CORO1A: variants seen among roughly 807,000 people sequenced by gnomAD.
CORO1A encodes coronin-1A.
Under a neutral mutation model 44.1 loss-of-function variants are expected in CORO1A, and 17 were observed. The ratio of observed to expected loss-of-function variants is 0.39; its 90% CI spans 0.26 to 0.58. The LOEUF is 0.58. CORO1A is among the 20% of genes least tolerant of loss of function. CORO1A has a pLI of 0.62. For synonymous variants in CORO1A, 271 were observed against 244.2 expected, an observed-to-expected ratio of 1.11 and a Z score of -1.02; for missense variants, 415 against 606.5, an observed-to-expected ratio of 0.68 and a Z score of 3.32.
At chr16:30,188,714 A>T (rs2073381063) in intron 10 of CORO1A, 138 bp downstream of exon 10, 1 of 689,016 alleles carries the variant, frequency 1.5e-6, no homozygotes, top group Admixed American at 2.5e-5. Flanking sequence ...CACAGGTTTC[A>T]GATTGATAGG....
intron 6 of CORO1A, 75 bp downstream of exon 6, chr16:30,187,576 C>A (rs780215021): frequency 6.5e-7 from 1 of 1,544,848 alleles, no homozygotes; most frequent in South Asian, 1.1e-5. Flanking sequence ...TGCTCTGCCA[C>A]TCACCTGGCA....
chr16:30,186,247 T>A, intron 2 of CORO1A: 2 of 371,912 alleles, frequency 5.4e-6, no homozygotes, highest in South Asian at 4.2e-5. Flanking sequence ...CATACACCTG[T>A]CCTGGCTCCA....
chr16:30,187,859 A>AGGGGGGGGGGGGGG, intron 7 of CORO1A, 30 bp downstream of exon 7: 1 of 215,458 alleles, frequency 4.6e-6, no homozygotes, highest in Non-Finnish European at 6.7e-6. Flanking sequence ...TGGGGGTGGG[A>AGGGGGGGGGGGGGG]GGTGGGCAGG....
chr16:30,188,194 T>C lies in CORO1A; in HGVS notation c.1010T>C (p.Phe337Ser). Residue 337 changes from phenylalanine (F) to serine (S), a missense_variant and splice_region_variant, in exon 9 of 11, where the codon TTC becomes TCC. This residue lies in a region of CORO1A where 325 missense variants were observed against 521.7 expected (regional missense o/e 0.62). Coordinates refer to ENST00000219150, the MANE Select transcript of CORO1A (RefSeq NM_007074.4). ...LEVNKCEIAR[F>S]YKLHERRCEP... ...CGCTCACCTTCCCCTTCCCACAGGT[T>C]CTACAAGCTGCACGAGCGGAGGTGT... The C allele has an allele frequency of 6.2e-7, 1 of 1,614,070 alleles. No individual in the cohort carries two copies. The highest frequency in any genetic ancestry group is 8.5e-7 in the Non-Finnish European group (1 of 1,179,994).
chr16:30,184,986 C>G lies in CORO1A; in HGVS notation c.-1-223C>G. 1 of 617,440 alleles carries G rather than the reference C, an allele frequency of 1.6e-6. No homozygotes were observed. The highest frequency in any genetic ancestry group is 2.9e-6 in the Non-Finnish European group (1 of 344,538). 38.2% of individuals were successfully genotyped at this position (617,440 alleles called of 1,614,324 possible). Reference sequence around the variant, plus strand: ...GAGGGTACAGATTGAGAGGGTGGCTCAGAGTGGCCTGGGGCCAGGGAGAAG... The same window carrying G: ...GAGGGTACAGATTGAGAGGGTGGCTGAGAGTGGCCTGGGGCCAGGGAGAAG... On this transcript the variant is annotated intron_variant, in intron 1 of 10. Coordinates refer to ENST00000219150, the MANE Select transcript of CORO1A (RefSeq NM_007074.4). The surrounding 1 kb of genome is among the most constrained non-coding windows in gnomAD (Gnocchi z 4.3).
At position 30,187,937 on chromosome 16, in the gene CORO1A, T is replaced by C; in HGVS notation, c.862-5T>C. 6.2e-7 allele frequency: 1 copy of C among 1,613,938 alleles called. No homozygotes were observed. Reference sequence around the variant, plus strand: ...TGACCCTCCCTCCACACCTGCCACCTACAGGGTGACAGCTCAATCCGGTAC... The same window carrying C: ...TGACCCTCCCTCCACACCTGCCACCCACAGGGTGACAGCTCAATCCGGTAC... On this transcript the variant is annotated splice_region_variant and splice_polypyrimidine_tract_variant and intron_variant, in intron 7 of 10. Transcript: ENST00000219150.
chr16:30,187,430 G>T lies in CORO1A; in HGVS notation c.685G>T (p.Val229Leu), dbSNP rs757965812. The T allele has an allele frequency of 1.9e-6, 3 of 1,610,894 alleles. No individual in the cohort carries two copies. The highest frequency in any genetic ancestry group is 1.3e-5 in the African/African-American group (1 of 74,940). Residue 229 changes from valine (V) to leucine (L), a missense_variant, in exon 6 of 11, where the codon GTG becomes TTG. By Grantham distance (32) the Val-to-Leu change is conservative (BLOSUM62 1). Transcript: ENST00000219150. The part of the protein sequence containing the change: ...EGTRPVRAVF[V>L]SEGKILTTGF... ...GACCCGGCCCGTGCGTGCAGTGTTC[G>T]TGTCGGAGGGGAAGATCCTGACCAC...
rs1182837242 is a variant in CORO1A at position 30,187,633 on chromosome 16, C to T, written c.757-92C>T. ...TACCCAGGCGTGAGATGGTTGTTCCCACTGGTTGGTCGGGAGGGCCCTCAC... is the reference window on the plus strand; with the variant it reads ...TACCCAGGCGTGAGATGGTTGTTCCTACTGGTTGGTCGGGAGGGCCCTCAC... On this transcript the variant is annotated intron_variant, in intron 6 of 10. Transcript: ENST00000219150. 3 of 1,485,676 alleles carry T rather than the reference C, an allele frequency of 2.0e-6. No individual in the cohort carries two copies. In the African/African-American group the frequency reaches 4.1e-5, roughly 20 times the overall value. The allele number at this position is 1,485,676 out of a possible 1,614,324, so 92.0% of individuals were successfully genotyped here. A position where few individuals can be genotyped will look rare whatever the true frequency, so the allele number is the denominator to read the frequency against.
chr16:30,187,726 A>G lies in CORO1A; in HGVS notation c.758A>G (p.Lys253Arg). The G allele has an allele frequency of 6.2e-7, 1 of 1,608,888 alleles. No homozygotes were observed. The highest frequency in any genetic ancestry group is 8.5e-7 in the Non-Finnish European group (1 of 1,176,160). Residue 253 changes from lysine to arginine, a missense_variant and splice_region_variant, in exon 7 of 11, where the codon AAG becomes AGG. Physicochemically the swap from Lys to Arg is conservative, Grantham distance 26. Transcript: ENST00000219150. ...SERQVALWDT[K>R]HLEEPLSLQE... ...GTTACCTCTCACCTGTGTCTACAGAAGCACCTGGAGGAGCCGCTGTCCCTG... is the reference window on the plus strand; with the variant it reads ...GTTACCTCTCACCTGTGTCTACAGAGGCACCTGGAGGAGCCGCTGTCCCTG...
chr16:30,185,550 C>T, intron 2 of CORO1A, 143 bp downstream of exon 2: 1 of 678,374 alleles, frequency 1.5e-6, no homozygotes. Context: ...GAGCCTTACA[C>T]TTCCTCCAGC....
At chr16:30,187,908 G>A (rs767960904) in intron 7 of CORO1A, 34 bp from the exon 8 acceptor site, 4 of 1,613,428 alleles carry the variant, frequency 2.5e-6, no homozygotes, top group Non-Finnish European at 3.4e-6. Flanking sequence ...GCATCCGCTG[G>A]TATTGACCCT....
chr16:30,186,801 G>T lies in CORO1A; in HGVS notation c.322-15G>T. On this transcript the variant is annotated splice_polypyrimidine_tract_variant and intron_variant, in intron 3 of 10. Coordinates refer to ENST00000219150, the MANE Select transcript of CORO1A (RefSeq NM_007074.4). ...CATTTGGAGTCCTGAAGACTCACTG[G>T]CCCCTCCTCTGCAGGTGTGGGAGAT... 1 of 1,609,756 alleles carries T rather than the reference G, an allele frequency of 6.2e-7. No homozygotes were observed.
chr16:30,188,678 G>A, intron 10 of CORO1A, 102 bp downstream of exon 10: 2 of 938,788 alleles, frequency 2.1e-6, no homozygotes, highest in Admixed American at 2.2e-5. Flanking sequence ...TGTGGGTCCG[G>A]GAATGGTAAT....
rs200060318 is a variant in CORO1A at position 30,187,489 on chromosome 16, G to A, written c.744G>A (p.Ala248=). Residue 248 remains alanine (A), a synonymous_variant, in exon 6 of 11, where the codon GCG becomes GCA. Transcript: ENST00000219150. The part of the protein sequence containing the change: ...GFSRMSERQV[A]LWDTKHLEEP... ...GCCGCATGAGTGAGCGGCAGGTGGC[G>A]CTGTGGGACACAGTGAGTGCTGGGG... 14 of 1,605,018 alleles carry A rather than the reference G, an allele frequency of 8.7e-6. No homozygotes were observed. Among genetic ancestry groups the A allele is most frequent in the African/African-American group, 2.7e-5 (2 of 75,048 alleles).
Position 30,187,642 on chromosome 16 carries a change from G to A in CORO1A, c.757-83G>A, listed in dbSNP as rs774411895. On this transcript the variant is annotated intron_variant, in intron 6 of 10. Coordinates refer to ENST00000219150, the MANE Select transcript of CORO1A (RefSeq NM_007074.4). ...GTGAGATGGTTGTTCCCACTGGTTGGTCGGGAGGGCCCTCACAGGTCACTG... is the reference window on the plus strand; with the variant it reads ...GTGAGATGGTTGTTCCCACTGGTTGATCGGGAGGGCCCTCACAGGTCACTG... 3 of 1,476,052 alleles carry A rather than the reference G, an allele frequency of 2.0e-6. No homozygotes were observed. In the African/African-American group the frequency reaches 4.1e-5, roughly 20 times the overall value. The allele number at this position is 1,476,052 out of a possible 1,614,324, so 91.4% of individuals were successfully genotyped here.
rs1567376040 is a variant in CORO1A, at chr16:30,186,803, C to T, written c.322-13C>T. 6.2e-7 allele frequency: 1 copy of T among 1,609,942 alleles called. No homozygotes were observed. Among genetic ancestry groups the T allele is most frequent in the Non-Finnish European group, 8.5e-7 (1 of 1,179,976 alleles). On this transcript the variant is annotated splice_polypyrimidine_tract_variant and intron_variant, in intron 3 of 10. Coordinates refer to ENST00000219150, the MANE Select transcript of CORO1A (RefSeq NM_007074.4). ...TTTGGAGTCCTGAAGACTCACTGGCCCCTCCTCTGCAGGTGTGGGAGATCC... is the reference window on the plus strand; with the variant it reads ...TTTGGAGTCCTGAAGACTCACTGGCTCCTCCTCTGCAGGTGTGGGAGATCC...
Position 30,184,783 on chromosome 16 carries a change from G to A in CORO1A, c.-1-426G>A, listed in dbSNP as rs978654844. 6.8e-6 allele frequency: 2 copies of A among 295,722 alleles called. No individual in the cohort carries two copies. The highest frequency in any genetic ancestry group is 6.6e-6 in the Non-Finnish European group (1 of 150,958). 18.3% of individuals were successfully genotyped at this position (295,722 alleles called of 1,614,324 possible). A position where few individuals can be genotyped will look rare whatever the true frequency, so the allele number is the denominator to read the frequency against. ...TCCCTGCCTTTAGGAAGCGCTGTGTGGGTGTGAGGGAGGTGGGCTCTGGAC... is the reference window on the plus strand; with the variant it reads ...TCCCTGCCTTTAGGAAGCGCTGTGTAGGTGTGAGGGAGGTGGGCTCTGGAC... On this transcript the variant is annotated intron_variant, in intron 1 of 10. Coordinates refer to ENST00000219150, the MANE Select transcript of CORO1A (RefSeq NM_007074.4). This position sits in a 1 kb window ranked among gnomAD's most constrained non-coding sequence, Gnocchi z 4.3.
intron 7 of CORO1A, 26 bp downstream of exon 7, chr16:30,187,855 TG>T: frequency 9.0e-6 from 1 of 110,902 alleles, no homozygotes; most frequent in Non-Finnish European, 1.5e-5. Flanking sequence ...GGGGTGGGGG[TG>T]GGAGGTGGGC....
intron 2 of CORO1A, 101 bp downstream of exon 2, chr16:30,185,508 G>A (rs751603519): frequency 5.4e-5 from 56 of 1,044,372 alleles, no homozygotes; most frequent in Non-Finnish European, 7.1e-5. Context: ...CAGGGCCTGT[G>A]TTGCCATCTG....
Sources: allele counts gnomAD v4.1 joint callset, GRCh38; gene constraint gnomAD v4.1.1; regional missense constraint gnomAD v4.1.1; non-coding constraint Gnocchi (gnomAD v3.1); transcripts MANE v1.5; gene names NCBI Gene and HGNC (gene_info 2026-07-23, HGNC 2026-07-21).